Variants in LRP1B observed in about 807,000 individuals in gnomAD.
LRP1B encodes low-density lipoprotein receptor-related protein 1B.
Under a neutral mutation model 556.6 loss-of-function variants are expected in LRP1B, and 217 were observed. The ratio of observed to expected loss-of-function variants is 0.39; its 90% CI spans 0.35 to 0.44. The LOEUF (loss-of-function observed/expected upper bound fraction) is 0.44, where lower values mean the gene tolerates loss of function less well. Ranked by LOEUF, LRP1B falls within the 20% of genes least tolerant of loss-of-function variation. The probability of loss-of-function intolerance (pLI) is 1.00; values close to 1 mark genes in which losing one functional copy is unlikely to be tolerated. For missense variants in LRP1B, 5,053 were observed against 5,620.8 expected (o/e 0.90, Z 3.23); for synonymous variants, 2,047 against 1,865.8 (o/e 1.10, Z -2.50).
intron 6 of LRP1B, among the ~76,000 whole-genome samples, chr2:141,220,769 TAAAA>T (rs34002651): frequency 1.5e-5 from 2 of 137,080 alleles, no homozygotes; most frequent in Non-Finnish European, 3.1e-5. Context: ...TCAACATTCT[TAAAA>T]AAAAAAAAAA....
Position 141,028,065 on chromosome 2 carries a change from T to G in LRP1B, c.1790-7963A>C, listed in dbSNP as rs538638944. ...GACAGAGAAATATACAGAAATTCTC[T>G]GTACTATTTTGCAAATTCTTGACTA... On this transcript the variant is annotated intron_variant, in intron 11 of 90. Transcript: ENST00000389484. 1.3e-4 allele frequency among the ~76,000 whole-genome samples: 20 copies of G among 152,258 alleles called. 1 individual carries two copies. In the Middle Eastern group the frequency reaches 0.017, roughly 129 times the overall value.
chr2:141,435,707 T>A (rs1280642172), intron 3 of LRP1B, among the ~76,000 whole-genome samples: 2 of 152,206 alleles, frequency 1.3e-5, no homozygotes, highest in Non-Finnish European at 2.9e-5. Flanking sequence ...TGTCTCATTG[T>A]GGCACTTCTA....
rs1686206937 is a variant in LRP1B at position 140,690,718 on chromosome 2, A to T, written c.6799+9532T>A. On this transcript the variant is annotated intron_variant, in intron 41 of 90. Coordinates refer to ENST00000389484, the MANE Select transcript of LRP1B (RefSeq NM_018557.3). ...ACTCTCCATAATCAATGACCATGTA[A>T]CCCTTTCTCTTCCTTTGGACCATAA... Among the ~76,000 whole-genome samples the T allele has an allele frequency of 3.9e-5, 6 of 152,188 alleles. No individual in the cohort carries two copies. The South Asian group carries it at 1.2e-3, about 32-fold the overall frequency.
At chr2:141,373,665 C>T (rs1467057364) in intron 3 of LRP1B, among the ~76,000 whole-genome samples, 1 of 151,720 alleles carries the variant, frequency 6.6e-6, no homozygotes. Context: ...CTCCTGCTTG[C>T]TTTTGGTTTC....
At chr2:141,918,195 T>C (rs137942620) in intron 1 of LRP1B, among the ~76,000 whole-genome samples, 15 of 152,084 alleles carry the variant, frequency 9.9e-5, no homozygotes, top group African/African-American at 3.4e-4. Flanking sequence ...CAAAATGCTT[T>C]TGGAAACTTC....
At chr2:140,457,388 C>T in intron 61 of LRP1B, 75 bp downstream of exon 61, 1 of 1,162,730 alleles carries the variant, frequency 8.6e-7, no homozygotes. Context: ...TTACATTTAA[C>T]CTTGAAATAA....
chr2:140,548,585 A>G (rs549262427), intron 43 of LRP1B, among the ~76,000 whole-genome samples: 48 of 152,248 alleles, frequency 3.2e-4, no homozygotes, highest in African/African-American at 1.0e-3. Flanking sequence ...TTTAAGGAAT[A>G]TGATAATTAA....
chr2:141,374,812 T>C (rs935935170), intron 3 of LRP1B, among the ~76,000 whole-genome samples: 1 of 152,228 alleles, frequency 6.6e-6, no homozygotes, highest in African/African-American at 2.4e-5. Context: ...ATTTTTCTTA[T>C]ATCACATTGA....
intron 66 of LRP1B, among the ~76,000 whole-genome samples, chr2:140,413,134 C>A (rs774440527): frequency 6.6e-6 from 1 of 152,016 alleles, no homozygotes; most frequent in African/African-American, 2.4e-5. Context: ...AGACTGGTTC[C>A]ACTATTTTAG....
intron 2 of LRP1B, among the ~76,000 whole-genome samples, chr2:141,481,267 T>C (rs564367993): frequency 1.3e-5 from 2 of 152,260 alleles, no homozygotes; most frequent in East Asian, 3.9e-4. Flanking sequence ...TTCCAAATCT[T>C]TATCAAGCAT....
chr2:141,096,200 A>T (rs1028796074), intron 7 of LRP1B, among the ~76,000 whole-genome samples: 1 of 152,178 alleles, frequency 6.6e-6, no homozygotes, highest in African/African-American at 2.4e-5. Context: ...TAAACTTTGT[A>T]TAAGAACAAA....
rs1012052683 is a variant in LRP1B at position 140,669,242 on chromosome 2, AT to A, written c.6799+31007del. Among the ~76,000 whole-genome samples the A allele has an allele frequency of 2.3e-4, 35 of 152,314 alleles. 1 individual carries two copies. Among genetic ancestry groups the A allele is most frequent in the Middle Eastern group, 6.8e-3 (2 of 294 alleles). On this transcript the variant is annotated intron_variant, in intron 41 of 90. Coordinates refer to ENST00000389484, the MANE Select transcript of LRP1B (RefSeq NM_018557.3). Reference sequence around the variant, plus strand: ...TGGCTCTTATAGGGATATAAAAAAAATAATGAGACAGTAAAGACAATATTTT... The same window carrying A: ...TGGCTCTTATAGGGATATAAAAAAAAAATGAGACAGTAAAGACAATATTTT...
intron 35 of LRP1B, among the ~76,000 whole-genome samples, chr2:140,733,358 A>C (rs1352111784): frequency 1.3e-5 from 2 of 152,102 alleles, no homozygotes; most frequent in Non-Finnish European, 2.9e-5. Flanking sequence ...ATGAAAATTG[A>C]TTATCAGACC....
At chr2:141,266,390 C>CTTG (rs1684890592) in intron 3 of LRP1B, among the ~76,000 whole-genome samples, 1 of 148,502 alleles carries the variant, frequency 6.7e-6, no homozygotes, top group Non-Finnish European at 1.5e-5. Flanking sequence ...TTCCCTTCTT[C>CTTG]TTGTCTGGAA....
intron 3 of LRP1B, among the ~76,000 whole-genome samples, chr2:141,429,823 T>C (rs2104981594): frequency 6.6e-6 from 1 of 152,276 alleles, no homozygotes. Flanking sequence ...ACATGATTGG[T>C]TAAGGTCTTC....
At chr2:140,595,087 AATATATAT>A (rs60138085) in intron 43 of LRP1B, among the ~76,000 whole-genome samples, 1,806 of 98,676 alleles carry the variant, frequency 0.018, 31 homozygotes, top group South Asian at 0.028. Flanking sequence ...ATATAAATTG[AATATATAT>A]ATATATATAT....
chr2:140,328,958 A>AATT (rs1680646069), intron 79 of LRP1B, among the ~76,000 whole-genome samples: 1 of 152,090 alleles, frequency 6.6e-6, no homozygotes, highest in African/African-American at 2.4e-5. Flanking sequence ...TCAAACAATT[A>AATT]ATTATGAGTG....
intron 18 of LRP1B, 46 bp downstream of exon 18, chr2:140,982,114 T>C (rs1696787335): frequency 4.1e-6 from 6 of 1,446,198 alleles, no homozygotes; most frequent in Non-Finnish European, 1.9e-6. Flanking sequence ...TAGGGTATCC[T>C]ATCTGACACA....
At chr2:140,889,621 A>G (rs1693739923) in intron 23 of LRP1B, among the ~76,000 whole-genome samples, 1 of 152,068 alleles carries the variant, frequency 6.6e-6, no homozygotes, top group Non-Finnish European at 1.5e-5. Flanking sequence ...ATAAATCCCA[A>G]TTTACACAGT....
Sources: allele counts gnomAD v4.1 joint callset (sites outside exome capture counted in the v4.1 genomes callset), GRCh38; gene constraint gnomAD v4.1.1; transcripts MANE v1.5; gene names NCBI Gene and HGNC (gene_info 2026-07-23, HGNC 2026-07-21).